FAM124A: variants seen among roughly 807,000 people sequenced by gnomAD.
The protein encoded by FAM124A is family with sequence similarity 124 member A.
Under a neutral mutation model 24.5 loss-of-function variants are expected in FAM124A, and 23 were observed. That is an observed-to-expected ratio of 0.94 (90% confidence interval 0.68 to 1.33). The LOEUF (loss-of-function observed/expected upper bound fraction) is 1.33, where lower values mean the gene tolerates loss of function less well. Among genes scored for constraint, FAM124A ranks in the 40% most tolerant of loss-of-function variants. The probability of loss-of-function intolerance (pLI) is 0.00; values close to 1 mark genes in which losing one functional copy is unlikely to be tolerated. For missense variants in FAM124A, 623 were observed against 722.8 expected, an observed-to-expected ratio of 0.86 and a Z score of 1.58; for synonymous variants, 287 against 314.7, an observed-to-expected ratio of 0.91 and a Z score of 0.93.
intron 1 of FAM124A, among the ~76,000 whole-genome samples, chr13:51,228,231 A>G (rs1191482441): frequency 6.6e-6 from 1 of 152,128 alleles, no homozygotes; most frequent in African/African-American, 2.4e-5. Flanking sequence ...AGTATTCTGT[A>G]TATATGTAGT....
At chr13:51,266,044 T>C (rs935467041) in intron 3 of FAM124A, among the ~76,000 whole-genome samples, 1 of 152,292 alleles carries the variant, frequency 6.6e-6, no homozygotes, top group Middle Eastern at 3.4e-3. Context: ...ATTTTTAAAA[T>C]AAGACAACTT....
intron 3 of FAM124A, among the ~76,000 whole-genome samples, chr13:51,259,994 GT>G (rs1954717743): frequency 6.6e-6 from 1 of 152,108 alleles, no homozygotes; most frequent in African/African-American, 2.4e-5. Context: ...TTCAGAGGCA[GT>G]TCCTGGGTGT....
rs375917582 is a variant in FAM124A at position 51,226,347 on chromosome 13, A to C, written c.68+3778A>C. ...AGTGGAGGCAGATGGACTTCATACC[A>C]CAGGGGGATGGATGGCTTTAGGTAG... is the stretch of plus-strand genomic sequence containing the variant. On this transcript the variant is annotated intron_variant, in intron 1 of 3. Transcript: ENST00000322475. Among the ~76,000 whole-genome samples the C allele has an allele frequency of 7.9e-5, 12 of 152,006 alleles. 1 individual carries two copies. The highest frequency in any genetic ancestry group is 2.9e-4 in the African/African-American group (12 of 41,466).
intron 2 of FAM124A, among the ~76,000 whole-genome samples, chr13:51,246,400 G>GGGGGGGC (rs1954560608): frequency 9.3e-6 from 1 of 107,116 alleles, no homozygotes; most frequent in Non-Finnish European, 2.1e-5. Flanking sequence ...TGTTTCTCGT[G>GGGGGGGC]GGGTGGGGGG....
At chr13:51,273,003 T>A (rs1954853319) in intron 3 of FAM124A, among the ~76,000 whole-genome samples, 1 of 152,230 alleles carries the variant, frequency 6.6e-6, no homozygotes, top group Admixed American at 6.5e-5. Flanking sequence ...CATTATAAGC[T>A]TTGTAGAACT....
At chr13:51,241,398 C>T (rs1033427808) in intron 2 of FAM124A, among the ~76,000 whole-genome samples, 1 of 152,192 alleles carries the variant, frequency 6.6e-6, no homozygotes, top group South Asian at 2.1e-4. Context: ...TGCACAAAGG[C>T]AAGGACAAGC....
At chr13:51,239,879 T>C (rs187520573) in intron 2 of FAM124A, among the ~76,000 whole-genome samples, 129 of 152,318 alleles carry the variant, frequency 8.5e-4, no homozygotes, top group Non-Finnish European at 5.3e-4. Flanking sequence ...GCAAAATTAC[T>C]CTATGGAGTC....
intron 1 of FAM124A, 91 bp downstream of exon 1, chr13:51,222,660 G>T: frequency 8.7e-7 from 1 of 1,145,148 alleles, no homozygotes; most frequent in South Asian, 4.4e-5. Context: ...TGATCCGTGC[G>T]ACGGGACCGG....
chr13:51,235,691 T>C (rs1032317726), intron 2 of FAM124A, among the ~76,000 whole-genome samples: 1 of 152,244 alleles, frequency 6.6e-6, no homozygotes, highest in African/African-American at 2.4e-5. Context: ...CAGTTAGTCA[T>C]GAGCTCTTTA....
chr13:51,225,976 CTTTTT>C (rs780570797), intron 1 of FAM124A, among the ~76,000 whole-genome samples: 12 of 67,576 alleles, frequency 1.8e-4, no homozygotes, highest in African/African-American at 3.0e-4. Flanking sequence ...TGCTTGCTTT[CTTTTT>C]TTTTTTTTTT....
chr13:51,278,986 T>G (rs1954910981), intron 3 of FAM124A, among the ~76,000 whole-genome samples: 1 of 152,164 alleles, frequency 6.6e-6, no homozygotes, highest in African/African-American at 2.4e-5. Context: ...AGATTCGGAC[T>G]GCAAAATTTT....
intron 2 of FAM124A, among the ~76,000 whole-genome samples, chr13:51,234,627 G>C (rs866353917): frequency 6.6e-6 from 1 of 152,256 alleles, no homozygotes; most frequent in Admixed American, 6.5e-5. Context: ...GCTGAGATAT[G>C]AATGTCCAAG....
intron 3 of FAM124A, among the ~76,000 whole-genome samples, chr13:51,276,199 G>A (rs1379759339): frequency 1.3e-5 from 2 of 152,178 alleles, no homozygotes; most frequent in Non-Finnish European, 2.9e-5. Flanking sequence ...TCACTCAAGA[G>A]GTATGCGGGG....
intron 2 of FAM124A, among the ~76,000 whole-genome samples, chr13:51,238,991 A>G (rs1421267888): frequency 6.6e-6 from 1 of 152,122 alleles, no homozygotes; most frequent in Non-Finnish European, 1.5e-5. Context: ...TGTGACTTCA[A>G]CTCGACAGAG....
chr13:51,234,198 G>T (rs1313100498), intron 2 of FAM124A, among the ~76,000 whole-genome samples: 1 of 152,162 alleles, frequency 6.6e-6, no homozygotes, highest in East Asian at 1.9e-4. Context: ...CAACATTCAC[G>T]TGATGCTCCT....
chr13:51,269,947 C>G (rs932146281), intron 3 of FAM124A, among the ~76,000 whole-genome samples: 2 of 152,182 alleles, frequency 1.3e-5, no homozygotes, highest in Non-Finnish European at 2.9e-5. Flanking sequence ...ACTTTACGTA[C>G]AGCCAGAATC....
chr13:51,231,675 A>G (rs1290252034), intron 2 of FAM124A, among the ~76,000 whole-genome samples: 3 of 152,152 alleles, frequency 2.0e-5, no homozygotes, highest in African/African-American at 7.2e-5. Context: ...ACAAACATCT[A>G]TCAGATACCT....
chr13:51,273,149 T>C (rs1593610863), intron 3 of FAM124A, among the ~76,000 whole-genome samples: 2 of 152,180 alleles, frequency 1.3e-5, no homozygotes, highest in South Asian at 4.1e-4. Context: ...ATTTTCATAA[T>C]ACAAAAGTTT....
At chr13:51,228,987 T>C (rs1168754926) in intron 1 of FAM124A, among the ~76,000 whole-genome samples, 2 of 152,224 alleles carry the variant, frequency 1.3e-5, no homozygotes, top group African/African-American at 4.8e-5. Context: ...TTTAAAATGA[T>C]AATTACAGGA....
Sources: gnomAD v4.1 joint callset for allele counts (sites outside exome capture counted in the v4.1 genomes callset) on GRCh38, gnomAD v4.1.1 for gene constraint, MANE v1.5 for transcripts, NCBI Gene and HGNC (gene_info 2026-07-23, HGNC 2026-07-21) for gene names.